The following MAP7 variants were observed in gnomAD, a reference collection of about 807,000 sequenced individuals.
MAP7 encodes microtubule associated protein 7.
Under a neutral mutation model 94.8 loss-of-function variants are expected in MAP7, and 52 were observed. The observed-to-expected ratio is 0.55, with a 90% CI of 0.44 to 0.69. The LOEUF (loss-of-function observed/expected upper bound fraction) is 0.69, where lower values mean the gene tolerates loss of function less well. MAP7 is among the 30% of genes least tolerant of loss of function. The pLI, the probability that MAP7 is intolerant of heterozygous loss-of-function variation, is 0.00. For synonymous variants in MAP7, 350 were observed against 357.0 expected, an observed-to-expected ratio of 0.98 and a Z score of 0.22; for missense variants, 940 against 964.6, an observed-to-expected ratio of 0.97 and a Z score of 0.34.
intron 8 of MAP7, among the ~76,000 whole-genome samples, chr6:136,372,277 T>A (rs946855448): frequency 2.6e-5 from 4 of 152,196 alleles, no homozygotes; most frequent in Non-Finnish European, 4.4e-5. Flanking sequence ...ACAGCTTTCA[T>A]CTTCAAATTC....
chr6:136,540,650 G>A (rs781278390), intron 1 of MAP7, among the ~76,000 whole-genome samples: 2 of 152,172 alleles, frequency 1.3e-5, no homozygotes, highest in Non-Finnish European at 2.9e-5. Flanking sequence ...GATTTTCCAT[G>A]TGGTTTCCAT....
intron 1 of MAP7, among the ~76,000 whole-genome samples, chr6:136,509,976 T>C (rs1008781732): frequency 2.0e-5 from 3 of 152,146 alleles, no homozygotes; most frequent in African/African-American, 7.2e-5. Context: ...CCGAGGCAGG[T>C]GGATCACCTG....
At chr6:136,348,011 G>GCCC (rs58157708) in intron 16 of MAP7, among the ~76,000 whole-genome samples, 1 of 136,962 alleles carries the variant, frequency 7.3e-6, no homozygotes, top group South Asian at 2.4e-4. Flanking sequence ...ATGTGCACAT[G>GCCC]CCCCCCCCCC....
chr6:136,497,607 T>A (rs1818653426), intron 1 of MAP7, among the ~76,000 whole-genome samples: 1 of 151,414 alleles, frequency 6.6e-6, no homozygotes, highest in Non-Finnish European at 1.5e-5. Context: ...GAGACCAGCC[T>A]GACCAACATG....
At position 136,360,026 on chromosome 6, in the gene MAP7, AAGTCGCTAT is replaced by A; in HGVS notation, c.1804-4_1808del. 1.2e-6 allele frequency: 2 copies of A among 1,612,492 alleles called. No individual in the cohort carries two copies. The highest frequency in any genetic ancestry group is 1.7e-6 in the Non-Finnish European group (2 of 1,179,520). ...TCCTGGTTCTTTTCATAATCTCCTC[AAGTCGCTAT>A]AGGAAAGGAAGAATTGAGCAAGAAG... On this transcript the variant is annotated splice_acceptor_variant and splice_polypyrimidine_tract_variant and coding_sequence_variant and intron_variant, in exon 14 of 18. Coordinates refer to ENST00000354570, the MANE Select transcript of MAP7 (RefSeq NM_003980.6). LOFTEE classifies it high-confidence loss of function.
chr6:136,549,376 A>C (rs1829964263), intron 1 of MAP7, among the ~76,000 whole-genome samples: 1 of 152,280 alleles, frequency 6.6e-6, no homozygotes, highest in African/African-American at 2.4e-5. Context: ...CTTACTGGCC[A>C]AGAATAGAAG....
intron 1 of MAP7, among the ~76,000 whole-genome samples, chr6:136,438,570 C>A (rs1796997299): frequency 6.6e-6 from 1 of 152,094 alleles, no homozygotes; most frequent in Non-Finnish European, 1.5e-5. Flanking sequence ...CCCATGATGA[C>A]CTGTCCTGAC....
intron 1 of MAP7, among the ~76,000 whole-genome samples, chr6:136,515,991 G>A (rs1468123446): frequency 6.6e-6 from 1 of 152,006 alleles, no homozygotes; most frequent in South Asian, 2.1e-4. Flanking sequence ...TTAGTTGCTG[G>A]GGGCACAGTG....
At chr6:136,372,870 G>A (rs1191591818) in intron 7 of MAP7, among the ~76,000 whole-genome samples, 2 of 152,118 alleles carry the variant, frequency 1.3e-5, no homozygotes, top group Non-Finnish European at 2.9e-5. Flanking sequence ...TAAAAAATCT[G>A]GAATATATTG....
At chr6:136,400,451 T>C (rs1311144767) in intron 3 of MAP7, among the ~76,000 whole-genome samples, 1 of 150,554 alleles carries the variant, frequency 6.6e-6, no homozygotes, top group Non-Finnish European at 1.5e-5. Context: ...GAAACAACAT[T>C]TTTTAAAAAA....
At chr6:136,529,837 C>A (rs550978249) in intron 1 of MAP7, among the ~76,000 whole-genome samples, 3 of 152,174 alleles carry the variant, frequency 2.0e-5, no homozygotes, top group Non-Finnish European at 4.4e-5. Context: ...AAATTTATGT[C>A]TCTTTGTCCT....
At chr6:136,419,812 C>G (rs1057052998) in intron 2 of MAP7, 4 of 320,098 alleles carry the variant, frequency 1.2e-5, no homozygotes, top group South Asian at 4.6e-5. Flanking sequence ...TGTAAGAGCC[C>G]TGGACAATTT....
intron 3 of MAP7, among the ~76,000 whole-genome samples, chr6:136,396,074 T>A (rs1418114987): frequency 1.3e-5 from 2 of 151,638 alleles, no homozygotes; most frequent in African/African-American, 4.8e-5. Flanking sequence ...ACATAAAGAT[T>A]TTTTTTTTCT....
At chr6:136,477,065 A>T (rs1217467226) in intron 1 of MAP7, among the ~76,000 whole-genome samples, 1 of 152,206 alleles carries the variant, frequency 6.6e-6, no homozygotes, top group East Asian at 1.9e-4. Flanking sequence ...CATGGTTTCA[A>T]AATAATTCCT....
intron 1 of MAP7, among the ~76,000 whole-genome samples, chr6:136,530,326 G>A (rs1478890363): frequency 2.0e-5 from 3 of 152,200 alleles, no homozygotes; most frequent in Non-Finnish European, 2.9e-5. Context: ...TCAGGGTCCA[G>A]AAGTGCCAAA....
rs1348329743 is a variant in MAP7, at chr6:136,489,423, T to G, written c.67+60919A>C. ...TTTCTTTTCCATTCTTGCCTAGGCC[T>G]GTAACTTTGTCTTACCTCTTCATAC... On this transcript the variant is annotated intron_variant, in intron 1 of 17. Coordinates refer to ENST00000354570, the MANE Select transcript of MAP7 (RefSeq NM_003980.6). 2.6e-5 allele frequency among the ~76,000 whole-genome samples: 4 copies of G among 152,160 alleles called. 1 individual carries two copies. The highest frequency in any genetic ancestry group is 2.0e-4 in the Admixed American group (3 of 15,276).
chr6:136,363,484 CCAT>C (rs1329275845), intron 10 of MAP7, among the ~76,000 whole-genome samples: 1 of 152,234 alleles, frequency 6.6e-6, no homozygotes, highest in African/African-American at 2.4e-5. Flanking sequence ...CTTTTCTCGG[CCAT>C]CATGATGCTC....
intron 1 of MAP7, among the ~76,000 whole-genome samples, chr6:136,510,908 G>C (rs1823076288): frequency 6.6e-6 from 1 of 151,976 alleles, no homozygotes; most frequent in South Asian, 2.1e-4. Context: ...TCTAGCATAG[G>C]GTAGGGAGCA....
At chr6:136,541,536 G>A (rs958628509) in intron 1 of MAP7, among the ~76,000 whole-genome samples, 6 of 152,138 alleles carry the variant, frequency 3.9e-5, no homozygotes, top group African/African-American at 1.4e-4. Context: ...TACTAACAGT[G>A]CCTATGAAGT....
Sources: gnomAD v4.1 joint callset for allele counts (sites outside exome capture counted in the v4.1 genomes callset) on GRCh38, gnomAD v4.1.1 for gene constraint, MANE v1.5 for transcripts, NCBI Gene and HGNC (gene_info 2026-07-23, HGNC 2026-07-21) for gene names.